CLASP2: variants seen among roughly 807,000 people sequenced by gnomAD.
The protein encoded by CLASP2 is CLIP-associating protein 2.
A neutral mutation model predicts 194.4 loss-of-function variants in CLASP2; 47 were observed. The observed-to-expected ratio is 0.24, with a 90% CI of 0.19 to 0.31. The LOEUF is 0.31. Ranked by LOEUF, CLASP2 falls within the 10% of genes least tolerant of loss-of-function variation. The pLI is 1.00. For synonymous variants in CLASP2, 619 were observed against 633.5 expected, an observed-to-expected ratio of 0.98 and a Z score of 0.34; for missense variants, 1,445 against 1,823.6, an observed-to-expected ratio of 0.79 and a Z score of 3.78.
intron 8 of CLASP2, among the ~76,000 whole-genome samples, chr3:33,638,362 T>C (rs1316229058): frequency 6.6e-6 from 1 of 152,164 alleles, no homozygotes; most frequent in African/African-American, 2.4e-5. Flanking sequence ...TGTAGTGCAG[T>C]GGCGCAATCT....
At chr3:33,621,741 G>A (rs1232517957) in intron 11 of CLASP2, among the ~76,000 whole-genome samples, 1 of 152,092 alleles carries the variant, frequency 6.6e-6, no homozygotes, top group African/African-American at 2.4e-5. Flanking sequence ...TTTAGGTTTT[G>A]CTAAGTTAAT....
chr3:33,663,042 A>C (rs891542899), intron 7 of CLASP2, among the ~76,000 whole-genome samples: 15 of 152,042 alleles, frequency 9.9e-5, no homozygotes, highest in Admixed American at 9.8e-4. Context: ...CTGTACACAG[A>C]TATAATAGAA....
intron 10 of CLASP2, among the ~76,000 whole-genome samples, chr3:33,622,951 G>T (rs2077347416): frequency 6.6e-6 from 1 of 152,022 alleles, no homozygotes; most frequent in African/African-American, 2.4e-5. Flanking sequence ...TGGGATTACA[G>T]ATACATGCCA....
At position 33,628,358 on chromosome 3, in the gene CLASP2, T is replaced by C. The variant is rs187143066; in HGVS notation, c.943-1278A>G. Among the ~76,000 whole-genome samples the C allele has an allele frequency of 1.8e-3, 279 of 152,264 alleles. 1 individual carries two copies. Among genetic ancestry groups the C allele is most frequent in the Non-Finnish European group, 3.2e-3 (219 of 68,012 alleles). On this transcript the variant is annotated intron_variant, in intron 9 of 38. Coordinates refer to ENST00000682230, the MANE Select transcript of CLASP2 (RefSeq NM_001365631.1). ...CCTTCTTCCACCCCTAATCTTATGA[T>C]GCATTCCCCTGGAACACAATGCAAG... is the stretch of plus-strand genomic sequence containing the variant.
chr3:33,713,662 T>C (rs567498428), intron 1 of CLASP2, among the ~76,000 whole-genome samples: 16 of 152,202 alleles, frequency 1.1e-4, no homozygotes, highest in South Asian at 8.3e-4. Context: ...TAGCGCTACA[T>C]AGTTATAAAT....
intron 5 of CLASP2, among the ~76,000 whole-genome samples, chr3:33,686,839 C>A (rs1363724817): frequency 6.6e-6 from 1 of 152,174 alleles, no homozygotes; most frequent in East Asian, 1.9e-4. Flanking sequence ...TAAGTCCCAT[C>A]TGTCCTTACT....
At chr3:33,687,797 GGCA>G (rs2090875027) in intron 4 of CLASP2, among the ~76,000 whole-genome samples, 1 of 152,098 alleles carries the variant, frequency 6.6e-6, no homozygotes, top group Non-Finnish European at 1.5e-5. Context: ...ATAGTTCTGT[GGCA>G]ACTACGGCAG....
chr3:33,529,894 T>C (rs12491007), intron 34 of CLASP2, among the ~76,000 whole-genome samples: 56,447 of 147,490 alleles, frequency 0.38, 11,317 homozygotes, highest in Admixed American at 0.52. Context: ...AGGAGAATGG[T>C]GTGAACCCGG....
chr3:33,627,888 G>A lies in CLASP2; in HGVS notation c.943-808C>T, dbSNP rs183495353. On this transcript the variant is annotated intron_variant, in intron 9 of 38. Coordinates refer to ENST00000682230, the MANE Select transcript of CLASP2 (RefSeq NM_001365631.1). ...GCTTTCCCTGGAGAGTTAATAGCAT[G>A]TGCAAAGGCTCTGTGACAAAGTAAA... Among the ~76,000 whole-genome samples, 11 of 152,256 alleles carry A rather than the reference G, an allele frequency of 7.2e-5. No homozygotes were observed. The East Asian group carries it at 2.1e-3, about 29-fold the overall frequency.
chr3:33,538,796 C>T lies in CLASP2; in HGVS notation c.3551G>A (p.Gly1184Asp), dbSNP rs773262799. 2.5e-6 allele frequency: 4 copies of T among 1,579,368 alleles called. No individual in the cohort carries two copies. Among genetic ancestry groups the T allele is most frequent in the African/African-American group, 1.4e-5 (1 of 73,498 alleles). The stretch of plus-strand genomic sequence containing the variant: ...GGATATTAAAATACTTACTGAATCG[C>T]CATCATCTTTTTTAGAATCCCTTTT... ...PLKRDSKKDD[G>D]DSMCGGPGMS... The change falls in exon 33 of 39, where the codon GGC becomes GAC. Residue 1184 changes from glycine to aspartate, a missense_variant. Coordinates refer to ENST00000682230, the MANE Select transcript of CLASP2 (RefSeq NM_001365631.1).
At chr3:33,711,246 A>ATTTT (rs71070144) in intron 1 of CLASP2, among the ~76,000 whole-genome samples, 2 of 133,974 alleles carry the variant, frequency 1.5e-5, no homozygotes, top group African/African-American at 5.5e-5. Flanking sequence ...CCAGTATTGC[A>ATTTT]TTTTTTTTTT....
chr3:33,581,015 C>CAAAAAAAAAAAAAAA (rs34304858), intron 23 of CLASP2, among the ~76,000 whole-genome samples: 5 of 57,674 alleles, frequency 8.7e-5, no homozygotes, highest in East Asian at 5.3e-4. Flanking sequence ...GACTCCGTCT[C>CAAAAAAAAAAAAAAA]AAAAAAAAAA....
intron 7 of CLASP2, chr3:33,659,292 T>A: frequency 8.5e-7 from 1 of 1,180,074 alleles, no homozygotes; most frequent in African/African-American, 1.6e-5. Context: ...CTCCTTGTAC[T>A]GGCTGCCTGA....
intron 23 of CLASP2, among the ~76,000 whole-genome samples, chr3:33,581,406 A>G (rs1022028569): frequency 2.0e-5 from 3 of 152,206 alleles, no homozygotes; most frequent in Non-Finnish European, 4.4e-5. Flanking sequence ...CTTTTTAGTA[A>G]CCTAAGTTAA....
At chr3:33,552,221 C>T (rs963932266) in intron 29 of CLASP2, among the ~76,000 whole-genome samples, 6 of 150,344 alleles carry the variant, frequency 4.0e-5, no homozygotes, top group Non-Finnish European at 7.4e-5. Flanking sequence ...TGGGTTCAAA[C>T]GGCTCTCCTG....
intron 32 of CLASP2, among the ~76,000 whole-genome samples, chr3:33,540,951 T>C (rs1173321474): frequency 3.3e-5 from 5 of 152,076 alleles, no homozygotes; most frequent in Non-Finnish European, 7.4e-5. Context: ...TTTTGTACTA[T>C]TAGTAGAGAT....
intron 1 of CLASP2, among the ~76,000 whole-genome samples, chr3:33,713,314 ACT>A (rs2093127351): frequency 6.6e-6 from 1 of 152,120 alleles, no homozygotes; most frequent in African/African-American, 2.4e-5. Flanking sequence ...AGGGGCACTG[ACT>A]CTGACAGGAT....
chr3:33,684,593 T>A, intron 5 of CLASP2, 137 bp from the exon 6 acceptor site: 1 of 448,494 alleles, frequency 2.2e-6, no homozygotes, highest in Middle Eastern at 4.6e-4. Flanking sequence ...TGGCTTGTCA[T>A]CAGTAAAAAA....
intron 34 of CLASP2, among the ~76,000 whole-genome samples, chr3:33,520,647 T>G: frequency 6.6e-6 from 1 of 152,112 alleles, no homozygotes; most frequent in East Asian, 1.9e-4. Flanking sequence ...GAAAAACTGG[T>G]AGCATACAGA....
Sources: allele counts gnomAD v4.1 joint callset (sites outside exome capture counted in the v4.1 genomes callset), GRCh38; gene constraint gnomAD v4.1.1; transcripts MANE v1.5; gene names NCBI Gene and HGNC (gene_info 2026-07-23, HGNC 2026-07-21).